ANKAR: variants seen among roughly 807,000 people sequenced by gnomAD.
ANKAR encodes the protein ankyrin and armadillo repeat containing.
ANKAR carries 136 observed loss-of-function variants against 146.2 expected under a neutral mutation model. That is an observed-to-expected ratio of 0.93 (90% CI 0.81 to 1.07). ANKAR has a LOEUF of 1.07. Among genes scored for constraint, ANKAR ranks in the 50% least tolerant of loss-of-function variants. ANKAR has a pLI of 0.00. For missense variants in ANKAR, 1,567 were observed against 1,679.9 expected, an observed-to-expected ratio of 0.93 and a Z score of 1.18; for synonymous variants, 500 against 575.8, an observed-to-expected ratio of 0.87 and a Z score of 1.88.
Position 189,730,518 on chromosome 2 carries a change from G to A in ANKAR, c.3217G>A (p.Val1073Ile). 6.2e-7 allele frequency: 1 copy of A among 1,603,074 alleles called. No individual in the cohort carries two copies. Among genetic ancestry groups the A allele is most frequent in the Non-Finnish European group, 8.5e-7 (1 of 1,174,000 alleles). ...CIGVAHTSNP[V>I]SQQLVVDENA... is the part of the protein sequence containing the mutation. ...AGGTGTAGCCCATACAAGCAATCCT[G>A]TCAGTCAACAATTGGTTGTAGATGA... Residue 1073 changes from valine (V) to isoleucine (I), a missense_variant, in exon 16 of 23, where the codon GTC (valine) becomes ATC (isoleucine). Val to Ile is a conservative substitution (Grantham distance 29, BLOSUM62 3). Coordinates refer to ENST00000684021, the MANE Select transcript of ANKAR (RefSeq NM_001378068.1).
At chr2:189,715,703 A>G (rs572657249) in intron 10 of ANKAR, among the ~76,000 whole-genome samples, 1 of 152,318 alleles carries the variant, frequency 6.6e-6, no homozygotes, top group East Asian at 1.9e-4. Context: ...AAAACTGGCA[A>G]ACTGAATCCA....
chr2:189,720,256 T>TC (rs1485862869), intron 11 of ANKAR, among the ~76,000 whole-genome samples: 1 of 152,030 alleles, frequency 6.6e-6, no homozygotes, highest in African/African-American at 2.4e-5. Context: ...TTTCTTTTTT[T>TC]CTTTTTTTTT....
chr2:189,741,045 C>G (rs1311892816), intron 19 of ANKAR, among the ~76,000 whole-genome samples: 1 of 151,994 alleles, frequency 6.6e-6, no homozygotes, highest in Non-Finnish European at 1.5e-5. Context: ...TTTTTAAAAC[C>G]CTAAAAACTT....
In ANKAR at chr2:189,694,401, G is replaced by A. The variant is rs145779781; in HGVS notation, c.1308-580G>A. On this transcript the variant is annotated intron_variant, in intron 5 of 22. Coordinates refer to ENST00000684021, the MANE Select transcript of ANKAR (RefSeq NM_001378068.1). The stretch of plus-strand genomic sequence containing the variant: ...TGGGGGGAAGGGGAGGAAGGTCGCC[G>A]TTTTCCCTCACCTGTGATGATAAGC... Among the ~76,000 whole-genome samples, 29 of 152,226 alleles carry A rather than the reference G, an allele frequency of 1.9e-4. No homozygotes were observed. In the East Asian group the frequency reaches 4.6e-3, roughly 24 times the overall value.
Position 189,694,986 on chromosome 2 carries a change from A to C in ANKAR, c.1313A>C (p.Tyr438Ser), listed in dbSNP as rs115747871. 1.2e-3 allele frequency: 1,811 copies of C among 1,500,866 alleles called. 21 individuals carry two copies. The African/African-American group carries it at 0.023, about 19-fold the overall frequency. 93.0% of individuals were successfully genotyped at this position (1,500,866 alleles called of 1,614,324 possible). ...TTTTTCTTTATTTTTTATAGCTACT[A>C]TGTGATCTATTTTGAACTAGAAACT... Reference protein sequence around the residue: ...PVMEFHGKSYYVIYFELETFY... With the variant: ...PVMEFHGKSYSVIYFELETFY... Residue 438 changes from tyrosine (Y) to serine (S), a missense_variant, in exon 6 of 23, where the codon TAT (tyrosine) becomes TCT (serine). Coordinates refer to ENST00000684021, the MANE Select transcript of ANKAR (RefSeq NM_001378068.1).
At position 189,696,244 on chromosome 2, in the gene ANKAR, T is replaced by C. The variant is rs1222646731; in HGVS notation, c.1583T>C (p.Val528Ala). The C allele has an allele frequency of 6.2e-7, 1 of 1,614,170 alleles. No individual in the cohort carries two copies. The highest frequency in any genetic ancestry group is 8.5e-7 in the Non-Finnish European group (1 of 1,180,016). Residue 528 changes from valine to alanine, a missense_variant, in exon 7 of 23, where the codon GTT (valine) becomes GCT (alanine). Physicochemically the swap from Val to Ala is moderately conservative, Grantham distance 64. Transcript: ENST00000684021. ...AAAACCTCAAGCTCAACAATCAATGTTTCAGATGAAGCAGGTTATACTATT... is the reference window on the plus strand; with the variant it reads ...AAAACCTCAAGCTCAACAATCAATGCTTCAGATGAAGCAGGTTATACTATT... ...SRKTSSSTIN[V>A]SDEAGYTIFH...
intron 2 of ANKAR, among the ~76,000 whole-genome samples, chr2:189,681,686 G>T (rs1032114648): frequency 1.3e-5 from 2 of 152,198 alleles, no homozygotes; most frequent in Non-Finnish European, 2.9e-5. Context: ...CCTCCTGCTT[G>T]TCATATTTAC....
At chr2:189,702,215 A>G (rs1321690804) in intron 7 of ANKAR, among the ~76,000 whole-genome samples, 1 of 152,166 alleles carries the variant, frequency 6.6e-6, no homozygotes, top group African/African-American at 2.4e-5. Context: ...TCTTGTTAAG[A>G]ACAGAATGCC....
At chr2:189,691,408 A>G (rs1217968137) in intron 3 of ANKAR, among the ~76,000 whole-genome samples, 2 of 152,146 alleles carry the variant, frequency 1.3e-5, no homozygotes, top group Non-Finnish European at 2.9e-5. Context: ...TACTTTCCAG[A>G]AATATGGGAT....
intron 3 of ANKAR, among the ~76,000 whole-genome samples, chr2:189,691,026 T>C (rs759651317): frequency 3.9e-5 from 6 of 152,200 alleles, no homozygotes; most frequent in Non-Finnish European, 8.8e-5. Flanking sequence ...AGTCAAAATA[T>C]TGAAAAAACC....
chr2:189,730,725 T>G (rs2105845596), intron 16 of ANKAR, 124 bp downstream of exon 16: 1 of 453,996 alleles, frequency 2.2e-6, no homozygotes, highest in Admixed American at 4.5e-5. Flanking sequence ...TAAATCCTAT[T>G]TTTCTTGGAG....
At chr2:189,755,097 T>C (rs1291750599) in intron 18 of ANKAR, 4 of 1,478,970 alleles carry the variant, frequency 2.7e-6, no homozygotes, top group Non-Finnish European at 3.7e-6. Flanking sequence ...AGGTGAATGG[T>C]GGTAGCACAT....
At position 189,733,129 on chromosome 2, in the gene ANKAR, C is replaced by T; in HGVS notation, c.3323C>T (p.Ala1108Val). The T allele has an allele frequency of 6.2e-7, 1 of 1,607,446 alleles. No individual in the cohort carries two copies. The highest frequency in any genetic ancestry group is 1.3e-5 in the African/African-American group (1 of 74,788). ...TAGGTTGAAGTGGCATTTTCCTTGG[C>T]ATGCATTGTCCTAGGGAATGATGTG... ...NIKVEVAFSL[A>V]CIVLGNDVLQ... is the part of the protein sequence containing the mutation. The change falls in exon 17 of 23, where the codon GCA becomes GTA. Residue 1108 changes from alanine to valine, a missense_variant. Physicochemically the swap from Ala to Val is moderately conservative, Grantham distance 64. Coordinates refer to ENST00000684021, the MANE Select transcript of ANKAR (RefSeq NM_001378068.1).
intron 17 of ANKAR, among the ~76,000 whole-genome samples, chr2:189,733,821 A>T (rs1453129362): frequency 6.7e-6 from 1 of 148,328 alleles, no homozygotes; most frequent in Non-Finnish European, 1.5e-5. Flanking sequence ...AATTTAAAAA[A>T]TTATTTTTAT....
At position 189,696,194 on chromosome 2, in the gene ANKAR, T is replaced by C; in HGVS notation, c.1533T>C (p.Ser511=). The C allele has an allele frequency of 1.2e-6, 2 of 1,614,108 alleles. No homozygotes were observed. The highest frequency in any genetic ancestry group is 1.7e-6 in the Non-Finnish European group (2 of 1,180,006). The change falls in exon 7 of 23, where the codon TCT becomes TCC. Residue 511 remains serine, a synonymous_variant. Transcript: ENST00000684021. The part of the protein sequence containing the change: ...GMKSAVERGL[S]AVFHTFSRKT... Reference sequence around the variant, plus strand: ...AGTCCGCTGTTGAAAGAGGGTTGTCTGCAGTTTTCCACACATTTAGCCGTA... The same window carrying C: ...AGTCCGCTGTTGAAAGAGGGTTGTCCGCAGTTTTCCACACATTTAGCCGTA...
In ANKAR at chr2:189,759,370, T is replaced by G. The variant is rs867353372; in HGVS notation, c.*585-1728T>G. ...TTCACGCCATTCTCCTGCCTCAGCCTCCCAAGTAGCTGCGACTACAGGCGT... is the reference window on the plus strand; with the variant it reads ...TTCACGCCATTCTCCTGCCTCAGCCGCCCAAGTAGCTGCGACTACAGGCGT... On this transcript the variant is annotated intron_variant and NMD_transcript_variant, in intron 18 of 18. Transcript: ENST00000441800. Among the ~76,000 whole-genome samples the G allele has an allele frequency of 1.5e-4, 23 of 152,138 alleles. 1 individual carries two copies. The highest frequency in any genetic ancestry group is 1.3e-4 in the Non-Finnish European group (9 of 67,998).
Position 189,695,023 on chromosome 2 carries a change from A to G in ANKAR, c.1350A>G (p.Gln450=). The G allele has an allele frequency of 1.3e-6, 2 of 1,567,602 alleles. No homozygotes were observed. Among genetic ancestry groups the G allele is most frequent in the Non-Finnish European group, 8.6e-7 (1 of 1,156,888 alleles). ...TTGAACTAGAAACTTTCTATCAGCA[A>G]CTATATAAGACACAGTGGTGGGGAG... The part of the protein sequence containing the change: ...IYFELETFYQ[Q]LYKTQWWGAI... The change falls in exon 6 of 23, where the codon CAA becomes CAG. Residue 450 remains glutamine, a synonymous_variant. Coordinates refer to ENST00000684021, the MANE Select transcript of ANKAR (RefSeq NM_001378068.1).
chr2:189,761,697 A>G (rs2047083013), downstream of ANKAR: 1 of 1,459,548 alleles, frequency 6.9e-7, no homozygotes, highest in African/African-American at 1.4e-5. Context: ...ATTATTTGCA[A>G]CTGACATTAG....
chr2:189,704,887 T>G, intron 7 of ANKAR, 136 bp from the exon 8 acceptor site: 1 of 655,574 alleles, frequency 1.5e-6, no homozygotes, highest in Non-Finnish European at 2.4e-6. Context: ...GTTGTCTAAA[T>G]TTTTTTTTAA....
Sources: gnomAD v4.1 joint callset for allele counts (sites outside exome capture counted in the v4.1 genomes callset) on GRCh38, gnomAD v4.1.1 for gene constraint, MANE v1.5 for transcripts, NCBI Gene and HGNC (gene_info 2026-07-23, HGNC 2026-07-21) for gene names.